The following FER variants were observed in gnomAD, a reference collection of about 807,000 sequenced individuals.
FER encodes FER tyrosine kinase.
A neutral mutation model predicts 111.0 loss-of-function variants in FER; 63 were observed. The ratio of observed to expected loss-of-function variants is 0.57; its 90% CI spans 0.46 to 0.70. FER has a LOEUF of 0.70. Ranked by LOEUF, FER falls within the 30% of genes least tolerant of loss-of-function variation. FER has a pLI of 0.00. For missense variants in FER, 914 were observed against 954.0 expected (o/e 0.96, Z 0.55); for synonymous variants, 327 against 313.9 (o/e 1.04, Z -0.44).
chr5:109,100,804 A>G (rs934574582), intron 17 of FER, among the ~76,000 whole-genome samples: 1 of 151,846 alleles, frequency 6.6e-6, no homozygotes, highest in Non-Finnish European at 1.5e-5. Context: ...ACTACAATTT[A>G]GTAATATAAG....
At chr5:108,947,278 T>C (rs1757112692) in intron 11 of FER, among the ~76,000 whole-genome samples, 1 of 152,052 alleles carries the variant, frequency 6.6e-6, no homozygotes, top group Admixed American at 6.6e-5. Context: ...TGCCAAACTG[T>C]TTTTCATGGT....
At position 108,819,445 on chromosome 5, in the gene FER, T is replaced by C. The variant is rs1206263149; in HGVS notation, c.208-13325T>C. The stretch of plus-strand genomic sequence containing the variant: ...ATTAAGAATTAGTTTTGTATTTGAA[T>C]GTGAGCTCTTCCATTATTTAGGTGT... On this transcript the variant is annotated intron_variant, in intron 3 of 19. Coordinates refer to ENST00000281092, the MANE Select transcript of FER (RefSeq NM_005246.4). Among the ~76,000 whole-genome samples the C allele has an allele frequency of 2.6e-5, 4 of 152,198 alleles. No homozygotes were observed. In the South Asian group the frequency reaches 6.2e-4, roughly 24 times the overall value.
intron 16 of FER, among the ~76,000 whole-genome samples, chr5:109,072,651 G>A (rs1775902915): frequency 6.6e-6 from 1 of 151,932 alleles, no homozygotes; most frequent in African/African-American, 2.4e-5. Flanking sequence ...GGACTCAAAG[G>A]AAATATAAGG....
intron 5 of FER, among the ~76,000 whole-genome samples, chr5:108,845,041 C>CATACAT (rs1761848831): frequency 1.3e-4 from 6 of 46,418 alleles, no homozygotes; most frequent in South Asian, 1.0e-3. Flanking sequence ...TATATATATA[C>CATACAT]ATATATATAT....
In FER at chr5:108,916,450, G is replaced by A. The variant is rs574023451; in HGVS notation, c.1236+18602G>A. 1.4e-4 allele frequency among the ~76,000 whole-genome samples: 21 copies of A among 151,770 alleles called. No individual in the cohort carries two copies. The East Asian group carries it at 2.5e-3, about 18-fold the overall frequency. On this transcript the variant is annotated intron_variant, in intron 10 of 19. Coordinates refer to ENST00000281092, the MANE Select transcript of FER (RefSeq NM_005246.4). The stretch of plus-strand genomic sequence containing the variant: ...ACCTTAATAATTTGGGTACCCCCCC[G>A]ACCCCCTGCCAAACAGAAATCTGAA...
intron 17 of FER, among the ~76,000 whole-genome samples, chr5:109,148,012 G>T (rs866969442): frequency 3.3e-5 from 5 of 151,892 alleles, no homozygotes; most frequent in Middle Eastern, 3.4e-3. Context: ...CTTCTTCAAT[G>T]AAGTATTTGT....
intron 16 of FER, among the ~76,000 whole-genome samples, chr5:109,097,599 C>T (rs980244990): frequency 6.6e-6 from 1 of 151,912 alleles, no homozygotes; most frequent in Non-Finnish European, 1.5e-5. Context: ...TTGAAAAGGA[C>T]AGGCTCTGCC....
chr5:108,982,863 G>T (rs528995741), intron 13 of FER, among the ~76,000 whole-genome samples: 4 of 151,658 alleles, frequency 2.6e-5, no homozygotes, highest in African/African-American at 7.3e-5. Flanking sequence ...GCATTTATTA[G>T]CATTTACCTA....
intron 13 of FER, among the ~76,000 whole-genome samples, chr5:109,012,794 AGAG>A (rs1766466172): frequency 6.6e-6 from 1 of 152,140 alleles, no homozygotes; most frequent in Admixed American, 6.5e-5. Flanking sequence ...AAAATGGAAA[AGAG>A]AAAAAAAAAT....
intron 13 of FER, among the ~76,000 whole-genome samples, chr5:108,991,866 T>C (rs1454102731): frequency 2.3e-5 from 3 of 129,284 alleles, no homozygotes; most frequent in African/African-American, 8.3e-5. Flanking sequence ...GTATTTTCTT[T>C]TTTTTTTTTA....
intron 14 of FER, among the ~76,000 whole-genome samples, chr5:109,042,688 A>G (rs1351732483): frequency 2.6e-5 from 4 of 152,198 alleles, no homozygotes; most frequent in Admixed American, 2.0e-4. Context: ...AGGAAAATCA[A>G]TTTTGGGAAA....
At chr5:108,902,148 T>C (rs1750122179) in intron 10 of FER, among the ~76,000 whole-genome samples, 1 of 152,164 alleles carries the variant, frequency 6.6e-6, no homozygotes, top group Non-Finnish European at 1.5e-5. Flanking sequence ...GGGGAATAAA[T>C]TCATTTGAAC....
intron 13 of FER, among the ~76,000 whole-genome samples, chr5:108,998,253 G>A (rs1764266594): frequency 6.6e-6 from 1 of 151,760 alleles, no homozygotes; most frequent in Non-Finnish European, 1.5e-5. Context: ...CAGTCTTGTG[G>A]TTGAAACTCA....
intron 3 of FER, among the ~76,000 whole-genome samples, chr5:108,812,578 G>T (rs1222597129): frequency 6.6e-6 from 1 of 152,028 alleles, no homozygotes; most frequent in Non-Finnish European, 1.5e-5. Context: ...ATATGATTAG[G>T]TTTAAATTTA....
At chr5:108,782,964 T>C in intron 2 of FER, among the ~76,000 whole-genome samples, 1 of 152,248 alleles carries the variant, frequency 6.6e-6, no homozygotes, top group East Asian at 1.9e-4. Flanking sequence ...TTCTGTTTCA[T>C]TGATCTATTT....
intron 17 of FER, among the ~76,000 whole-genome samples, chr5:109,153,846 A>G (rs1755100580): frequency 6.6e-6 from 1 of 151,808 alleles, no homozygotes; most frequent in Non-Finnish European, 1.5e-5. Flanking sequence ...CATATTGGGA[A>G]AGTCACTTCA....
intron 10 of FER, among the ~76,000 whole-genome samples, chr5:108,905,453 A>G (rs1424984134): frequency 1.3e-5 from 2 of 152,202 alleles, no homozygotes; most frequent in African/African-American, 2.4e-5. Context: ...GAGAGAGAAG[A>G]TAAAGTTAGG....
At chr5:109,036,323 T>C (rs2149878303) in intron 13 of FER, among the ~76,000 whole-genome samples, 1 of 152,118 alleles carries the variant, frequency 6.6e-6, no homozygotes, top group East Asian at 1.9e-4. Flanking sequence ...AACTATTGCA[T>C]TTTAAAAATC....
intron 10 of FER, among the ~76,000 whole-genome samples, chr5:108,938,746 GT>G (rs1034330446): frequency 6.6e-6 from 1 of 151,970 alleles, no homozygotes. Flanking sequence ...AGCAGAACTG[GT>G]TGAAAGCAAA....
Sources: gnomAD v4.1 joint callset for allele counts (sites outside exome capture counted in the v4.1 genomes callset) on GRCh38, gnomAD v4.1.1 for gene constraint, MANE v1.5 for transcripts, NCBI Gene and HGNC (gene_info 2026-07-23, HGNC 2026-07-21) for gene names.